GALNT14: variants seen among roughly 807,000 people sequenced by gnomAD.
GALNT14 encodes the protein polypeptide N-acetylgalactosaminyltransferase 14.
GALNT14 carries 60 observed loss-of-function variants against 77.5 expected under a neutral mutation model. The ratio of observed to expected loss-of-function variants is 0.77; its 90% CI spans 0.63 to 0.96. The LOEUF (loss-of-function observed/expected upper bound fraction) is 0.96, where lower values mean the gene tolerates loss of function less well. GALNT14 is among the 40% of genes least tolerant of loss of function. The pLI is 0.00. For synonymous variants in GALNT14, 280 were observed against 281.7 expected, an observed-to-expected ratio of 0.99 and a Z score of 0.06; for missense variants, 710 against 731.0, an observed-to-expected ratio of 0.97 and a Z score of 0.33.
intron 13 of GALNT14, among the ~76,000 whole-genome samples, chr2:30,915,226 G>A (rs961504477): frequency 6.6e-6 from 1 of 151,954 alleles, no homozygotes; most frequent in African/African-American, 2.4e-5. Flanking sequence ...TGGGTGGGCA[G>A]TTATTTTGAC....
At chr2:31,078,300 GT>G (rs1675935286) in intron 1 of GALNT14, among the ~76,000 whole-genome samples, 1 of 152,202 alleles carries the variant, frequency 6.6e-6, no homozygotes, top group African/African-American at 2.4e-5. Flanking sequence ...CAACTTTCAA[GT>G]TTTAGCAAGG....
At chr2:31,119,518 T>C (rs1678280762) in intron 1 of GALNT14, among the ~76,000 whole-genome samples, 1 of 152,192 alleles carries the variant, frequency 6.6e-6, no homozygotes, top group South Asian at 2.1e-4. Flanking sequence ...TCCCGTTTCA[T>C]ACTCTTTAGG....
intron 1 of GALNT14, among the ~76,000 whole-genome samples, chr2:31,001,020 A>T (rs941324944): frequency 9.2e-5 from 14 of 152,164 alleles, no homozygotes; most frequent in African/African-American, 3.1e-4. Context: ...CACACAACTG[A>T]TGTCTGTCTC....
intron 6 of GALNT14, among the ~76,000 whole-genome samples, chr2:30,952,263 A>C (rs1667072727): frequency 2.0e-5 from 3 of 152,214 alleles, no homozygotes; most frequent in African/African-American, 7.2e-5. Context: ...GCATGATAGA[A>C]TTTTGGTTGA....
chr2:31,023,807 T>A (rs1241678118), intron 1 of GALNT14, among the ~76,000 whole-genome samples: 1 of 152,060 alleles, frequency 6.6e-6, no homozygotes, highest in Non-Finnish European at 1.5e-5. Flanking sequence ...CAGCCCCTCA[T>A]CACTCTCCTC....
intron 13 of GALNT14, among the ~76,000 whole-genome samples, chr2:30,916,545 A>G (rs1664689443): frequency 6.6e-6 from 1 of 152,186 alleles, no homozygotes; most frequent in South Asian, 2.1e-4. Context: ...CCAATGAATG[A>G]GGAGGGGATC....
chr2:30,926,982 T>G (rs1403703752), intron 11 of GALNT14, among the ~76,000 whole-genome samples: 1 of 152,172 alleles, frequency 6.6e-6, no homozygotes, highest in African/African-American at 2.4e-5. Flanking sequence ...TTTTGTAGTT[T>G]GTTTTCTTTC....
At chr2:31,013,214 G>A (rs1449115016) in intron 1 of GALNT14, among the ~76,000 whole-genome samples, 1 of 152,132 alleles carries the variant, frequency 6.6e-6, no homozygotes, top group African/African-American at 2.4e-5. Flanking sequence ...TCAGAAAACT[G>A]GTGAACCTGA....
intron 1 of GALNT14, among the ~76,000 whole-genome samples, chr2:31,041,793 C>T (rs369890184): frequency 2.0e-5 from 3 of 152,218 alleles, no homozygotes; most frequent in East Asian, 3.9e-4. Context: ...AAGCCCATTG[C>T]AATGTCTTGG....
chr2:31,119,984 G>A (rs1678315297), intron 1 of GALNT14, among the ~76,000 whole-genome samples: 1 of 98,892 alleles, frequency 1.0e-5, no homozygotes, highest in Non-Finnish European at 2.5e-5. Flanking sequence ...GTGAAACCCC[G>A]TCTCTACTAA....
At chr2:31,014,427 C>T (rs1347313023) in intron 1 of GALNT14, among the ~76,000 whole-genome samples, 1 of 152,114 alleles carries the variant, frequency 6.6e-6, no homozygotes, top group African/African-American at 2.4e-5. Flanking sequence ...AGTTTCCAAC[C>T]ACACAGAGAG....
chr2:31,018,421 G>A (rs1045681915), intron 1 of GALNT14, among the ~76,000 whole-genome samples: 2 of 152,204 alleles, frequency 1.3e-5, no homozygotes, highest in African/African-American at 4.8e-5. Flanking sequence ...AGGGGAAGAG[G>A]CATGTCTTAC....
At chr2:30,946,381 TC>T (rs1254426168) in intron 6 of GALNT14, among the ~76,000 whole-genome samples, 2 of 152,158 alleles carry the variant, frequency 1.3e-5, no homozygotes, top group East Asian at 3.9e-4. Flanking sequence ...CTTAACACTA[TC>T]CCCTTGGTGC....
intron 1 of GALNT14, chr2:31,114,958 C>T: frequency 1.6e-6 from 1 of 616,780 alleles, no homozygotes; most frequent in Non-Finnish European, 2.9e-6. Context: ...CAATGGAAAA[C>T]CATCCAGGCC....
At chr2:31,045,555 C>T (rs748129271) in intron 1 of GALNT14, among the ~76,000 whole-genome samples, 14 of 152,048 alleles carry the variant, frequency 9.2e-5, no homozygotes, top group African/African-American at 2.2e-4. Context: ...CTCCGCCTCC[C>T]GGGTTCAAGC....
Position 30,911,074 on chromosome 2 carries a change from A to G in GALNT14, c.1501-15T>C. 1 of 1,611,988 alleles carries G rather than the reference A, an allele frequency of 6.2e-7. No homozygotes were observed. The highest frequency in any genetic ancestry group is 1.1e-5 in the South Asian group (1 of 90,984). On this transcript the variant is annotated splice_polypyrimidine_tract_variant and intron_variant, in intron 14 of 14. Transcript: ENST00000349752. ...TTGGTCCATTGCTGGTAAGACAAAGAAGAGAGTGAATGAACTAGGTGCCAT... is the reference window on the plus strand; with the variant it reads ...TTGGTCCATTGCTGGTAAGACAAAGGAGAGAGTGAATGAACTAGGTGCCAT...
At position 31,138,393 on chromosome 2, in the gene GALNT14, T is replaced by TGCCGACGCC; in HGVS notation, c.-308_-307insGGCGTCGGC. Reference sequence around the variant, plus strand: ...ATGTTCCCCACGCCGCCACCGCGGCTGCCGCCGCCGCCGCCGCCGCCTTGC... The same window carrying TGCCGACGCC: ...ATGTTCCCCACGCCGCCACCGCGGCTGCCGACGCCGCCGCCGCCGCCGCCGCCGCCTTGC... On this transcript the variant is annotated 5_prime_UTR_variant, in exon 1 of 15. Coordinates refer to ENST00000349752, the MANE Select transcript of GALNT14 (RefSeq NM_024572.4). The TGCCGACGCC allele has an allele frequency of 2.9e-6, 1 of 341,156 alleles. No individual in the cohort carries two copies. The allele number at this position is 341,156 out of a possible 1,614,324, so 21.1% of individuals were successfully genotyped here.
intron 9 of GALNT14, among the ~76,000 whole-genome samples, chr2:30,934,039 A>G (rs1177893265): frequency 1.3e-5 from 2 of 152,154 alleles, no homozygotes; most frequent in Admixed American, 1.3e-4. Context: ...GCTTCTTCCC[A>G]TCTTCTGCCA....
intron 1 of GALNT14, among the ~76,000 whole-genome samples, chr2:31,035,596 CATAT>C (rs199774161): frequency 3.5e-5 from 3 of 86,294 alleles, no homozygotes; most frequent in African/African-American, 1.0e-4. Flanking sequence ...TATACATATA[CATAT>C]ACACACACAC....
Sources: gnomAD v4.1 joint callset for allele counts (sites outside exome capture counted in the v4.1 genomes callset) on GRCh38, gnomAD v4.1.1 for gene constraint, MANE v1.5 for transcripts, NCBI Gene and HGNC (gene_info 2026-07-23, HGNC 2026-07-21) for gene names.